Variants in PMEPA1 observed in about 807,000 individuals in gnomAD.
The protein encoded by PMEPA1 is protein TMEPAI.
In PMEPA1, 11 loss-of-function variants were observed where a neutral mutation model predicts 23.0. The observed-to-expected ratio is 0.48, with a 90% CI of 0.30 to 0.79. The LOEUF is 0.79. Ranked by LOEUF, PMEPA1 falls within the 30% of genes least tolerant of loss-of-function variation. The pLI, the probability that PMEPA1 is intolerant of heterozygous loss-of-function variation, is 0.06. For missense variants in PMEPA1, 377 were observed against 390.9 expected (o/e 0.96, Z 0.30); for synonymous variants, 204 against 166.4 (o/e 1.23, Z -1.74).
rs1393909395 is a variant in PMEPA1, at chr20:57,656,824, CA to C, written c.264+2718del. On this transcript the variant is annotated intron_variant, in intron 2 of 3. Transcript: ENST00000341744. The surrounding 1 kb of genome is among the most constrained non-coding windows in gnomAD (Gnocchi z 4.7). ...AGGGGCCATGGTCGGATAGCCATGC[CA>C]GGGGCAGAGCATGGATGGGCTGGGG... is the stretch of plus-strand genomic sequence containing the variant. Among the ~76,000 whole-genome samples the C allele has an allele frequency of 1.3e-5, 2 of 152,222 alleles. No individual in the cohort carries two copies. The highest frequency in any genetic ancestry group is 3.9e-4 in the East Asian group (2 of 5,188).
chr20:57,669,617 G>T (rs747943627), intron 1 of PMEPA1, among the ~76,000 whole-genome samples: 4 of 152,170 alleles, frequency 2.6e-5, no homozygotes, highest in Non-Finnish European at 5.9e-5. Context: ...GTATCCTCAC[G>T]GGATGAGCCC....
chr20:57,652,631 G>A lies in PMEPA1; in HGVS notation c.319-33C>T, dbSNP rs1299235760. On this transcript the variant is annotated intron_variant, in intron 3 of 3. Transcript: ENST00000341744. This position sits in a 1 kb window ranked among gnomAD's most constrained non-coding sequence, Gnocchi z 6.1. Reference sequence around the variant, plus strand: ...AAGCAGAGCGGGAGTGAGGGAGGGCGGCTGTCTCAGGTGGGTTGTCCAGAA... The same window carrying A: ...AAGCAGAGCGGGAGTGAGGGAGGGCAGCTGTCTCAGGTGGGTTGTCCAGAA... The A allele has an allele frequency of 1.4e-6, 2 of 1,432,130 alleles. No individual in the cohort carries two copies. Among genetic ancestry groups the A allele is most frequent in the Admixed American group, 2.8e-5 (1 of 35,340 alleles). The allele number at this position is 1,432,130 out of a possible 1,614,324, so 88.7% of individuals were successfully genotyped here.
At position 57,649,318 on chromosome 20, in the gene PMEPA1, G is replaced by C. The variant is rs2071190347; in HGVS notation, c.*2735C>G. ...CAGAGAAGCCGAGAGCTTAACTCTG[G>C]TCGTTTCCAGAGACAACCTGCTGGC... On this transcript the variant is annotated 3_prime_UTR_variant, in exon 4 of 4. Coordinates refer to ENST00000341744, the MANE Select transcript of PMEPA1 (RefSeq NM_020182.5). The C allele has an allele frequency of 6.6e-6, 1 of 152,184 alleles. No individual in the cohort carries two copies. The highest frequency in any genetic ancestry group is 1.5e-5 in the Non-Finnish European group (1 of 68,060). The allele number at this position is 152,184 out of a possible 1,614,324, so 9.4% of individuals were successfully genotyped here.
intron 1 of PMEPA1, among the ~76,000 whole-genome samples, chr20:57,695,162 T>C (rs1161127917): frequency 6.6e-6 from 1 of 152,236 alleles, no homozygotes; most frequent in African/African-American, 2.4e-5. Flanking sequence ...ACATGATTCA[T>C]ACCTGTCTGG....
At chr20:57,668,033 G>T (rs1028794316) in intron 1 of PMEPA1, among the ~76,000 whole-genome samples, 1 of 152,190 alleles carries the variant, frequency 6.6e-6, no homozygotes, top group African/African-American at 2.4e-5. Context: ...GGGGCGGGCG[G>T]CAAATCTAGG....
Position 57,688,931 on chromosome 20 carries a change from T to A in PMEPA1, c.109+20543A>T, listed in dbSNP as rs1447146445. The stretch of plus-strand genomic sequence containing the variant: ...GGGTGGGGGTGGGAATTCTGCATCT[T>A]TCCCCAGGGGTTTCTTTGGCTCAGA... On this transcript the variant is annotated intron_variant, in intron 1 of 3. Coordinates refer to ENST00000341744, the MANE Select transcript of PMEPA1 (RefSeq NM_020182.5). Among the ~76,000 whole-genome samples the A allele has an allele frequency of 2.0e-5, 3 of 152,200 alleles. No homozygotes were observed. The South Asian group carries it at 6.2e-4, about 32-fold the overall frequency.
At chr20:57,690,319 C>T in intron 1 of PMEPA1, 5 of 811,978 alleles carry the variant, frequency 6.2e-6, no homozygotes, top group Non-Finnish European at 9.3e-6. Context: ...CACCCACCCC[C>T]ACCACTGCCA....
At chr20:57,710,637 T>A (rs78041367), upstream of PMEPA1, 1,422 of 593,200 alleles carry the variant, frequency 2.4e-3, 13 homozygotes, top group African/African-American at 0.024. Flanking sequence ...CGGGGACTGG[T>A]GTATTGTCGC....
chr20:57,663,909 G>A (rs183470868), intron 1 of PMEPA1, among the ~76,000 whole-genome samples: 1 of 152,322 alleles, frequency 6.6e-6, no homozygotes, highest in African/African-American at 2.4e-5. Flanking sequence ...GATGCTGTGC[G>A]GGAGGAAGGC....
At chr20:57,700,592 G>A (rs1386841600) in intron 1 of PMEPA1, among the ~76,000 whole-genome samples, 1 of 152,186 alleles carries the variant, frequency 6.6e-6, no homozygotes, top group Non-Finnish European at 1.5e-5. Context: ...GTTCGTGGAG[G>A]TCACAATCAA....
intron 1 of PMEPA1, among the ~76,000 whole-genome samples, chr20:57,705,491 G>C (rs1398675978): frequency 6.6e-6 from 1 of 152,214 alleles, no homozygotes. Flanking sequence ...CAAAACATCA[G>C]CTTTCACTAA....
intron 1 of PMEPA1, 49 bp from the exon 2 acceptor site, chr20:57,659,746 C>T (rs2146646565): frequency 6.5e-7 from 1 of 1,532,792 alleles, no homozygotes; most frequent in Non-Finnish European, 8.8e-7. Flanking sequence ...CTGCAGGTCG[C>T]TGTGCTCAGG....
rs146351912 is a variant in PMEPA1, at chr20:57,693,495, G to A, written c.109+15979C>T. Among the ~76,000 whole-genome samples the A allele has an allele frequency of 2.1e-3, 321 of 152,312 alleles. 1 individual carries two copies. Among genetic ancestry groups the A allele is most frequent in the African/African-American group, 7.6e-3 (315 of 41,570 alleles). On this transcript the variant is annotated intron_variant, in intron 1 of 3. Coordinates refer to ENST00000341744, the MANE Select transcript of PMEPA1 (RefSeq NM_020182.5). ...CTTTTCCTAGCAGTAAAAGTCGAAG[G>A]TGGGGGCCAGCAGACGGTGGCGGCC...
At chr20:57,689,384 G>A (rs6128130) in intron 1 of PMEPA1, among the ~76,000 whole-genome samples, 1 of 152,188 alleles carries the variant, frequency 6.6e-6, no homozygotes, top group African/African-American at 2.4e-5. Context: ...CCAGGACAGA[G>A]GCCTGGCCTT....
At chr20:57,693,262 CAG>C (rs2071905991) in intron 1 of PMEPA1, among the ~76,000 whole-genome samples, 1 of 152,204 alleles carries the variant, frequency 6.6e-6, no homozygotes, top group East Asian at 1.9e-4. Context: ...ACAGGATGAG[CAG>C]AGAGACCAGG....
At position 57,683,446 on chromosome 20, in the gene PMEPA1, A is replaced by G. The variant is rs1452401795; in HGVS notation, c.110-23749T>C. 2.6e-5 allele frequency among the ~76,000 whole-genome samples: 4 copies of G among 152,062 alleles called. No individual in the cohort carries two copies. The highest frequency in any genetic ancestry group is 1.3e-4 in the Admixed American group (2 of 15,282). On this transcript the variant is annotated intron_variant, in intron 1 of 3. Transcript: ENST00000341744. The surrounding 1 kb of genome is among the most constrained non-coding windows in gnomAD (Gnocchi z 4.3). ...CTGAGGATCCAATATTTAATAGCCC[A>G]TCCTTCAGGAACATTCCTGCTTGGG...
chr20:57,674,156 C>T (rs754275641), intron 1 of PMEPA1, among the ~76,000 whole-genome samples: 4 of 152,128 alleles, frequency 2.6e-5, no homozygotes, highest in Non-Finnish European at 5.9e-5. Flanking sequence ...CATGTAAAGA[C>T]GGAGCCTCTA....
chr20:57,709,402 C>G, intron 1 of PMEPA1, 72 bp downstream of exon 1: 1 of 1,010,132 alleles, frequency 9.9e-7, no homozygotes, highest in South Asian at 4.4e-5. Flanking sequence ...CGGACCCCCG[C>G]TCGCAGCTGT....
At chr20:57,700,131 G>C (rs1374398095) in intron 1 of PMEPA1, 2 of 471,400 alleles carry the variant, frequency 4.2e-6, no homozygotes, top group East Asian at 1.4e-4. Context: ...AGGACCAGCA[G>C]AGACTCTTCC....
Sources: gnomAD v4.1 joint callset for allele counts (sites outside exome capture counted in the v4.1 genomes callset) on GRCh38, gnomAD v4.1.1 for gene constraint, Gnocchi (gnomAD v3.1) non-coding constraint, MANE v1.5 for transcripts, NCBI Gene and HGNC (gene_info 2026-07-23, HGNC 2026-07-21) for gene names.